Variants in GAB2 observed in about 807,000 individuals in gnomAD.
GAB2 encodes GRB2-associated-binding protein 2.
In GAB2, 26 loss-of-function variants were observed where a neutral mutation model predicts 65.5. That is an observed-to-expected ratio of 0.40 (90% CI 0.29 to 0.55). GAB2 has a LOEUF of 0.55. Ranked by LOEUF, GAB2 falls within the 20% of genes least tolerant of loss-of-function variation. The probability of loss-of-function intolerance (pLI) is 0.53; values close to 1 mark genes in which losing one functional copy is unlikely to be tolerated. For synonymous variants in GAB2, 321 were observed against 329.6 expected, an observed-to-expected ratio of 0.97 and a Z score of 0.28; for missense variants, 884 against 875.8, an observed-to-expected ratio of 1.01 and a Z score of -0.12.
rs183670468 is a variant in GAB2 at position 78,406,907 on chromosome 11, A to G, written c.75+10739T>C. ...CAGTAAAAAAATAGAAGATGTAAAG[A>G]AAAACCAAATGGAATTTTAGAACTG... On this transcript the variant is annotated intron_variant, in intron 1 of 9. Transcript: ENST00000361507. 2.5e-3 allele frequency among the ~76,000 whole-genome samples: 384 copies of G among 151,850 alleles called. 3 individuals are homozygous for G. Among genetic ancestry groups the G allele is most frequent in the Admixed American group, 3.7e-3 (57 of 15,302 alleles).
intron 1 of GAB2, among the ~76,000 whole-genome samples, chr11:78,377,054 C>T (rs1385296591): frequency 6.6e-6 from 1 of 152,220 alleles, no homozygotes; most frequent in African/African-American, 2.4e-5. Context: ...TCATCTCCTG[C>T]CATGACTGAA....
intron 2 of GAB2, among the ~76,000 whole-genome samples, chr11:78,253,540 T>C (rs1245170320): frequency 6.6e-6 from 1 of 152,162 alleles, no homozygotes; most frequent in Non-Finnish European, 1.5e-5. Flanking sequence ...TCAATCCTCC[T>C]GCCTCAGCCT....
In GAB2 at chr11:78,226,566, G is replaced by C. The variant is rs750708112; in HGVS notation, c.1106C>G (p.Pro369Arg). Reference sequence around the variant, plus strand: ...TTCACTGATTGGCGGTCTCTGCTGAGGACTGCCCCATCGAGGTGTTTCTGC... The same window carrying C: ...TTCACTGATTGGCGGTCTCTGCTGACGACTGCCCCATCGAGGTGTTTCTGC... ...SQAETPRWGS[P>R]QQRPPISENS... The change falls in exon 4 of 10, where the codon CCT (proline) becomes CGT (arginine). Residue 369 changes from proline to arginine, a missense_variant. Transcript: ENST00000361507. 3 of 1,596,612 alleles carry C rather than the reference G, an allele frequency of 1.9e-6. No homozygotes were observed. The Admixed American group carries it at 5.1e-5, about 27-fold the overall frequency.
intron 3 of GAB2, among the ~76,000 whole-genome samples, chr11:78,242,129 A>C (rs2510035): frequency 0.16 from 23,764 of 152,256 alleles, 2,393 homozygotes; most frequent in East Asian, 0.4. Flanking sequence ...TAACAAGAGG[A>C]AATTTCAAAA....
intron 1 of GAB2, among the ~76,000 whole-genome samples, chr11:78,403,510 G>T (rs1857001197): frequency 6.6e-6 from 1 of 152,168 alleles, no homozygotes; most frequent in Admixed American, 6.5e-5. Context: ...TTCAATAAAT[G>T]TTCTAGGAAA....
At chr11:78,345,393 G>A (rs1426787857) in intron 1 of GAB2, among the ~76,000 whole-genome samples, 1 of 152,162 alleles carries the variant, frequency 6.6e-6, no homozygotes, top group Non-Finnish European at 1.5e-5. Flanking sequence ...CTTTAGAAAG[G>A]CAATCCTGCG....
Position 78,219,108 on chromosome 11 carries a change from T to A in GAB2, c.*164A>T. On this transcript the variant is annotated 3_prime_UTR_variant, in exon 10 of 10. Coordinates refer to ENST00000361507, the MANE Select transcript of GAB2 (RefSeq NM_080491.3). ...GAGGTGCCTTGATCAGGCCCTCACC[T>A]CCCAGGGGAAGGGTTCAGGGTCCCT... 1.5e-6 allele frequency: 1 copy of A among 654,322 alleles called. No homozygotes were observed. 40.5% of individuals were successfully genotyped at this position (654,322 alleles called of 1,614,324 possible). A position where few individuals can be genotyped will look rare whatever the true frequency, so the allele number is the denominator to read the frequency against.
At chr11:78,398,417 C>T (rs184043308) in intron 1 of GAB2, among the ~76,000 whole-genome samples, 27 of 152,220 alleles carry the variant, frequency 1.8e-4, no homozygotes, top group Non-Finnish European at 3.1e-4. Context: ...CATTCACTTA[C>T]GTGATATTTA....
intron 2 of GAB2, among the ~76,000 whole-genome samples, chr11:78,268,939 T>C (rs1865939405): frequency 1.3e-5 from 2 of 152,040 alleles, no homozygotes; most frequent in African/African-American, 4.8e-5. Flanking sequence ...GCCTGTTCTG[T>C]GGATGACTAG....
At chr11:78,223,955 GC>G (rs1435810937) in intron 5 of GAB2, among the ~76,000 whole-genome samples, 1 of 152,148 alleles carries the variant, frequency 6.6e-6, no homozygotes, top group Non-Finnish European at 1.5e-5. Context: ...GGTGGCATAT[GC>G]TTGTAGTCCC....
intron 1 of GAB2, among the ~76,000 whole-genome samples, chr11:78,306,588 A>G (rs188461657): frequency 2.0e-5 from 3 of 152,314 alleles, no homozygotes; most frequent in Admixed American, 6.5e-5. Context: ...TTTTCTCTGA[A>G]AGGATTATAA....
At chr11:78,255,742 G>T (rs2510036) in intron 2 of GAB2, among the ~76,000 whole-genome samples, 24,728 of 152,222 alleles carry the variant, frequency 0.16, 2,468 homozygotes, top group East Asian at 0.4. Flanking sequence ...ATTCTACATG[G>T]CCATTCTGGA....
At chr11:78,219,566 T>C (rs762175427) in intron 9 of GAB2, 151 bp from the exon 10 acceptor site, 46 of 694,654 alleles carry the variant, frequency 6.6e-5, no homozygotes, top group Non-Finnish European at 7.7e-5. Flanking sequence ...GCCTGGCTTC[T>C]CTTTCTGAAT....
At chr11:78,233,022 A>G (rs1393773113) in intron 3 of GAB2, among the ~76,000 whole-genome samples, 1 of 150,364 alleles carries the variant, frequency 6.7e-6, no homozygotes, top group Non-Finnish European at 1.5e-5. Context: ...TATACTTACC[A>G]ATACCTGGCA....
At chr11:78,346,938 G>A (rs916969407) in intron 1 of GAB2, among the ~76,000 whole-genome samples, 5 of 151,666 alleles carry the variant, frequency 3.3e-5, no homozygotes, top group South Asian at 4.2e-4. Context: ...GAGCATCTAA[G>A]AGAATCCAGA....
Position 78,417,612 on chromosome 11 carries a change from CCGCCCGCCCCTGGGCGGCCG to C in GAB2, c.75+14_75+33del, listed in dbSNP as rs779721217. On this transcript the variant is annotated intron_variant, in intron 1 of 9. Transcript: ENST00000361507. ...CCCTCCGCAGGCCCCGGAGCGCCCC[CCGCCCGCCCCTGGGCGGCCG>C]CGCCCGCACTCACATAGCGCCTCAA... 2 of 1,244,954 alleles carry C rather than the reference CCGCCCGCCCCTGGGCGGCCG, an allele frequency of 1.6e-6. No homozygotes were observed. Among genetic ancestry groups the C allele is most frequent in the Non-Finnish European group, 2.1e-6 (2 of 955,492 alleles). 77.1% of individuals were successfully genotyped at this position (1,244,954 alleles called of 1,614,324 possible).
chr11:78,233,684 G>A (rs1864909519), intron 3 of GAB2, among the ~76,000 whole-genome samples: 1 of 152,138 alleles, frequency 6.6e-6, no homozygotes, highest in Non-Finnish European at 1.5e-5. Flanking sequence ...TTGGCTCACT[G>A]CAACCTCCAC....
At position 78,294,441 on chromosome 11, in the gene GAB2, T is replaced by C. The variant is rs184092893; in HGVS notation, c.76-13540A>G. Among the ~76,000 whole-genome samples, 371 of 152,310 alleles carry C rather than the reference T, an allele frequency of 2.4e-3. 2 individuals are homozygous for C. The highest frequency in any genetic ancestry group is 8.6e-3 in the African/African-American group (359 of 41,574). On this transcript the variant is annotated intron_variant, in intron 1 of 9. Transcript: ENST00000361507. ...TTTGGGTATATACCCAGTAATGGGATTGCTGGGTCAAATGGCATTTCTAGT... is the reference window on the plus strand; with the variant it reads ...TTTGGGTATATACCCAGTAATGGGACTGCTGGGTCAAATGGCATTTCTAGT...
chr11:78,406,379 T>C (rs1857044360), intron 1 of GAB2, among the ~76,000 whole-genome samples: 2 of 143,868 alleles, frequency 1.4e-5, no homozygotes, highest in South Asian at 4.6e-4. Context: ...TGTCCACGTT[T>C]AATTTTTTTT....
Sources: allele counts gnomAD v4.1 joint callset (sites outside exome capture counted in the v4.1 genomes callset), GRCh38; gene constraint gnomAD v4.1.1; transcripts MANE v1.5; gene names NCBI Gene and HGNC (gene_info 2026-07-23, HGNC 2026-07-21).